The following ATP6V1H variants were observed in gnomAD, a reference collection of about 807,000 sequenced individuals.
The protein encoded by ATP6V1H is ATPase H+ transporting V1 subunit H.
ATP6V1H carries 39 observed loss-of-function variants against 71.7 expected under a neutral mutation model. The observed-to-expected ratio is 0.54, with a 90% confidence interval of 0.42 to 0.71. The LOEUF is 0.71. Ranked by LOEUF, ATP6V1H falls within the 30% of genes least tolerant of loss-of-function variation. The pLI is 0.00. For synonymous variants in ATP6V1H, 192 were observed against 199.3 expected (o/e 0.96, Z 0.31); for missense variants, 509 against 594.9 (o/e 0.86, Z 1.50).
intron 4 of ATP6V1H, among the ~76,000 whole-genome samples, chr8:53,824,111 A>C (rs1473165301): frequency 6.6e-6 from 1 of 152,154 alleles, no homozygotes. Context: ...CTTCTATGAA[A>C]GTAAATGTAA....
chr8:53,766,672 G>A (rs1418650601), intron 11 of ATP6V1H, among the ~76,000 whole-genome samples: 2 of 152,080 alleles, frequency 1.3e-5, no homozygotes, highest in African/African-American at 4.8e-5. Context: ...CTCTGAACTG[G>A]CCCCCCCAGG....
chr8:53,830,465 T>C (rs182235722), intron 3 of ATP6V1H, among the ~76,000 whole-genome samples: 154 of 152,268 alleles, frequency 1.0e-3, no homozygotes, highest in African/African-American at 3.5e-3. Context: ...CCACTCACCA[T>C]ACTGAATGTA....
intron 9 of ATP6V1H, among the ~76,000 whole-genome samples, 174 bp from the exon 10 acceptor site, chr8:53,772,341 A>G (rs1320566924): frequency 6.6e-6 from 1 of 152,190 alleles, no homozygotes; most frequent in Non-Finnish European, 1.5e-5. Flanking sequence ...TGTCTGTCCC[A>G]TATCAGAAGC....
chr8:53,799,325 G>T (rs894199451), intron 8 of ATP6V1H, among the ~76,000 whole-genome samples: 5 of 152,078 alleles, frequency 3.3e-5, no homozygotes, highest in African/African-American at 1.2e-4. Context: ...TAATAAGAAA[G>T]TTAGAGATTG....
intron 10 of ATP6V1H, among the ~76,000 whole-genome samples, chr8:53,771,622 A>G (rs1394967361): frequency 6.6e-6 from 1 of 152,220 alleles, no homozygotes; most frequent in Non-Finnish European, 1.5e-5. Flanking sequence ...AAAAAGCAGG[A>G]AAACAAATAC....
chr8:53,783,939 G>T (rs1309398327), intron 9 of ATP6V1H, among the ~76,000 whole-genome samples: 3 of 152,180 alleles, frequency 2.0e-5, no homozygotes, highest in Non-Finnish European at 4.4e-5. Flanking sequence ...TCTTACATTT[G>T]CTAAGGGGTG....
chr8:53,835,062 C>T (rs1473756559), intron 2 of ATP6V1H, among the ~76,000 whole-genome samples: 1 of 152,090 alleles, frequency 6.6e-6, no homozygotes, highest in Non-Finnish European at 1.5e-5. Flanking sequence ...GCACGAGGAT[C>T]ACTTGAACCC....
intron 13 of ATP6V1H, among the ~76,000 whole-genome samples, chr8:53,737,071 A>AC (rs1460357513): frequency 6.6e-6 from 1 of 151,956 alleles, no homozygotes; most frequent in East Asian, 1.9e-4. Flanking sequence ...TTTCACATGG[A>AC]CCCCCTTAGA....
intron 2 of ATP6V1H, among the ~76,000 whole-genome samples, chr8:53,836,807 C>T (rs907952678): frequency 3.3e-4 from 50 of 152,292 alleles, no homozygotes; most frequent in African/African-American, 1.2e-3. Context: ...GCACATGTTA[C>T]TTAACCCATC....
intron 2 of ATP6V1H, 29 bp downstream of exon 2, chr8:53,841,549 T>C (rs753220415): frequency 1.2e-6 from 2 of 1,611,532 alleles, no homozygotes; most frequent in Admixed American, 1.7e-5. Context: ...CATATGACTG[T>C]CCATGATTCA....
At chr8:53,772,615 A>G (rs1360978071) in intron 9 of ATP6V1H, among the ~76,000 whole-genome samples, 1 of 152,198 alleles carries the variant, frequency 6.6e-6, no homozygotes, top group Non-Finnish European at 1.5e-5. Context: ...TCAACCTGTA[A>G]GCACAAGGGA....
intron 12 of ATP6V1H, 144 bp downstream of exon 12, chr8:53,756,411 A>C (rs1219490107): frequency 1.6e-6 from 1 of 622,888 alleles, no homozygotes. Context: ...TGGGTTTATC[A>C]TAATTCTCAC....
At position 53,772,006 on chromosome 8, in the gene ATP6V1H, C is replaced by A. The variant is rs1808676621; in HGVS notation, c.1032G>T (p.Glu344Asp). Residue 344 changes from glutamate to aspartate, a missense_variant, in exon 10 of 14, where the codon GAG (glutamate) becomes GAT (aspartate). Transcript: ENST00000359530. ...TAACACACCTAAGGTCCTGGACACT[C>A]TCTCCAAGTTTTTCCAAAAGAAATT... ...DIKFLLEKLG[E>D]SVQDLSSFDE... 1 of 1,613,798 alleles carries A rather than the reference C, an allele frequency of 6.2e-7. No individual in the cohort carries two copies. The highest frequency in any genetic ancestry group is 1.3e-5 in the African/African-American group (1 of 74,936).
chr8:53,802,335 T>C (rs894111980), intron 7 of ATP6V1H, among the ~76,000 whole-genome samples: 31 of 152,202 alleles, frequency 2.0e-4, no homozygotes, highest in African/African-American at 7.5e-4. Context: ...TAAATGACCG[T>C]GGACAAGTTC....
intron 5 of ATP6V1H, among the ~76,000 whole-genome samples, 197 bp downstream of exon 5, chr8:53,817,220 C>T (rs1389659021): frequency 6.6e-6 from 1 of 150,534 alleles, no homozygotes; most frequent in Non-Finnish European, 1.5e-5. Context: ...AAAATAAAAA[C>T]CTTTCTTCTT....
chr8:53,822,005 A>G (rs941619249), intron 4 of ATP6V1H, among the ~76,000 whole-genome samples: 2 of 152,220 alleles, frequency 1.3e-5, no homozygotes, highest in African/African-American at 4.8e-5. Context: ...ATTTAAAAAT[A>G]GCTGATTGAG....
At chr8:53,808,559 G>A (rs561311593) in intron 7 of ATP6V1H, among the ~76,000 whole-genome samples, 30 of 152,312 alleles carry the variant, frequency 2.0e-4, no homozygotes, top group African/African-American at 7.2e-4. Context: ...CCTGAGCTCA[G>A]GAGTTCAAGA....
chr8:53,799,962 A>G (rs1289355707), intron 8 of ATP6V1H, among the ~76,000 whole-genome samples: 1 of 152,212 alleles, frequency 6.6e-6, no homozygotes, highest in Non-Finnish European at 1.5e-5. Context: ...GCCACCCAGT[A>G]TTTTGTTAAA....
chr8:53,809,717 G>C (rs1233547664), intron 7 of ATP6V1H, among the ~76,000 whole-genome samples: 2 of 152,142 alleles, frequency 1.3e-5, no homozygotes, highest in African/African-American at 2.4e-5. Context: ...AAATAAGTTT[G>C]TAAGTCTAAA....
Sources: gnomAD v4.1 joint callset for allele counts (sites outside exome capture counted in the v4.1 genomes callset) on GRCh38, gnomAD v4.1.1 for gene constraint, MANE v1.5 for transcripts, NCBI Gene and HGNC (gene_info 2026-07-23, HGNC 2026-07-21) for gene names.